LRRC20: variants seen among roughly 807,000 people sequenced by gnomAD.
The protein encoded by LRRC20 is leucine-rich repeat-containing protein 20.
A neutral mutation model predicts 14.4 loss-of-function variants in LRRC20; 11 were observed. That is an observed-to-expected ratio of 0.77 (90% confidence interval 0.48 to 1.27). The LOEUF (loss-of-function observed/expected upper bound fraction) is 1.27, where lower values mean the gene tolerates loss of function less well. Among genes scored for constraint, LRRC20 ranks in the 50% most tolerant of loss-of-function variants. The probability of loss-of-function intolerance (pLI) is 0.00; values close to 1 mark genes in which losing one functional copy is unlikely to be tolerated. For missense variants in LRRC20, 219 were observed against 251.2 expected (o/e 0.87, Z 0.87); for synonymous variants, 121 against 107.3 (o/e 1.13, Z -0.79).
intron 1 of LRRC20, chr10:70,381,504 T>C (rs1844707708): frequency 6.6e-6 from 1 of 152,220 alleles, no homozygotes; most frequent in Admixed American, 6.5e-5. Context: ...CTCTACCTTA[T>C]CTGCAGTCCG....
chr10:70,348,711 T>TC (rs35950331), intron 2 of LRRC20, among the ~76,000 whole-genome samples: 1 of 151,988 alleles, frequency 6.6e-6, no homozygotes, highest in Admixed American at 6.6e-5. Flanking sequence ...TATGCTGAAC[T>TC]CCCCCATGGG....
chr10:70,318,639 A>AGGTACTGAC (rs1841960894), intron 4 of LRRC20, among the ~76,000 whole-genome samples: 1 of 151,888 alleles, frequency 6.6e-6, no homozygotes, highest in Non-Finnish European at 1.5e-5. Context: ...CTGTGGTTCC[A>AGGTACTGAC]GGTACTTGAG....
Position 70,378,488 on chromosome 10 carries a change from C to CA in LRRC20, c.-63-1893dup, listed in dbSNP as rs72190981. On this transcript the variant is annotated intron_variant, in intron 1 of 4. Transcript: ENST00000446961. Reference sequence around the variant, plus strand: ...TAAAACTCCGTCTCTACTAAAAATACAAAAAAAAAAAAAAATGGTCGGGCA... The same window carrying CA: ...TAAAACTCCGTCTCTACTAAAAATACAAAAAAAAAAAAAAAATGGTCGGGCA... 2.5e-3 allele frequency among the ~76,000 whole-genome samples: 325 copies of CA among 131,194 alleles called. 1 individual carries two copies. The highest frequency in any genetic ancestry group is 4.1e-3 in the Middle Eastern group (1 of 242). 86.1% of individuals were successfully genotyped at this position (131,194 alleles called of 152,430 possible). A position where few individuals can be genotyped will look rare whatever the true frequency, so the allele number is the denominator to read the frequency against.
chr10:70,328,092 T>C (rs1355085155), intron 3 of LRRC20, among the ~76,000 whole-genome samples: 1 of 152,196 alleles, frequency 6.6e-6, no homozygotes, highest in African/African-American at 2.4e-5. Flanking sequence ...TCTCTCCAGG[T>C]GGCCTCATGA....
At chr10:70,309,026 G>A (rs1345945769) in intron 4 of LRRC20, among the ~76,000 whole-genome samples, 1 of 152,182 alleles carries the variant, frequency 6.6e-6, no homozygotes, top group Non-Finnish European at 1.5e-5. Flanking sequence ...TGGCTGGGAA[G>A]AAAAGGGCTA....
intron 2 of LRRC20, among the ~76,000 whole-genome samples, chr10:70,341,206 A>G (rs1842902136): frequency 6.6e-6 from 1 of 152,246 alleles, no homozygotes; most frequent in Non-Finnish European, 1.5e-5. Flanking sequence ...TTGGGAAGCC[A>G]CTGTGCAGAA....
intron 2 of LRRC20, among the ~76,000 whole-genome samples, chr10:70,368,251 G>A (rs972990653): frequency 1.7e-4 from 23 of 139,174 alleles, no homozygotes; most frequent in African/African-American, 5.6e-4. Flanking sequence ...TGCGCCTCCC[G>A]GGTTCAAATG....
intron 3 of LRRC20, among the ~76,000 whole-genome samples, chr10:70,333,389 G>A (rs1472311471): frequency 6.6e-6 from 1 of 152,216 alleles, no homozygotes; most frequent in Non-Finnish European, 1.5e-5. Context: ...TCTCCAGGCT[G>A]CCCCAACTCC....
chr10:70,308,362 C>T (rs1210908861), intron 4 of LRRC20, among the ~76,000 whole-genome samples: 1 of 152,128 alleles, frequency 6.6e-6, no homozygotes, highest in Non-Finnish European at 1.5e-5. Context: ...ACGGAGAAGA[C>T]TCTTGACCAC....
Position 70,314,063 on chromosome 10 carries a change from A to G in LRRC20, c.400+9800T>C, listed in dbSNP as rs536384288. ...GAAAGGGGAAACCCTTTATAAAACCATCAGATCTCGTGAGACTTATTCATT... is the reference window on the plus strand; with the variant it reads ...GAAAGGGGAAACCCTTTATAAAACCGTCAGATCTCGTGAGACTTATTCATT... On this transcript the variant is annotated intron_variant, in intron 4 of 4. Coordinates refer to ENST00000446961, the MANE Select transcript of LRRC20 (RefSeq NM_001278212.2). Among the ~76,000 whole-genome samples the G allele has an allele frequency of 3.3e-5, 5 of 152,330 alleles. No homozygotes were observed. The East Asian group carries it at 9.6e-4, about 29-fold the overall frequency.
intron 2 of LRRC20, 53 bp downstream of exon 2, chr10:70,376,399 C>T (rs1589133734): frequency 1.3e-6 from 2 of 1,560,188 alleles, no homozygotes; most frequent in East Asian, 4.5e-5. Context: ...CATTTCTAAG[C>T]TGATCTCACA....
intron 3 of LRRC20, among the ~76,000 whole-genome samples, chr10:70,339,556 G>A (rs75159637): frequency 0.037 from 5,608 of 152,142 alleles, 162 homozygotes; most frequent in East Asian, 0.094. Context: ...TGTGCCCTCC[G>A]CAATTCTCCC....
intron 2 of LRRC20, among the ~76,000 whole-genome samples, chr10:70,368,113 A>G (rs1844100854): frequency 6.7e-6 from 1 of 148,922 alleles, no homozygotes; most frequent in African/African-American, 2.5e-5. Flanking sequence ...CCTCTCAAGT[A>G]GCTGAGACTA....
intron 2 of LRRC20, among the ~76,000 whole-genome samples, chr10:70,368,488 C>T (rs979794544): frequency 6.6e-6 from 1 of 151,478 alleles, no homozygotes; most frequent in Non-Finnish European, 1.5e-5. Flanking sequence ...ACAGTTTTCA[C>T]CATGTTGGCC....
intron 2 of LRRC20, among the ~76,000 whole-genome samples, chr10:70,347,513 T>C (rs1589098996): frequency 6.6e-6 from 1 of 152,074 alleles, no homozygotes; most frequent in Non-Finnish European, 1.5e-5. Flanking sequence ...ACCCTTCCAG[T>C]CTCTGATTTA....
intron 2 of LRRC20, among the ~76,000 whole-genome samples, chr10:70,356,023 C>T (rs1485727726): frequency 1.3e-5 from 2 of 152,204 alleles, no homozygotes; most frequent in African/African-American, 4.8e-5. Flanking sequence ...ATGAGGCCCT[C>T]CAGCCAGTGG....
At chr10:70,317,361 T>C (rs1202457355) in intron 4 of LRRC20, among the ~76,000 whole-genome samples, 5 of 151,988 alleles carry the variant, frequency 3.3e-5, no homozygotes, top group Non-Finnish European at 7.4e-5. Context: ...CCTCTCTCTT[T>C]TTTTTTTTAA....
rs552644291 is a variant in LRRC20, at chr10:70,301,507, A to C, written c.402T>G (p.Asp134Glu). 1 of 1,613,852 alleles carries C rather than the reference A, an allele frequency of 6.2e-7. No homozygotes were observed. Among genetic ancestry groups the C allele is most frequent in the Non-Finnish European group, 8.5e-7 (1 of 1,179,918 alleles). ...TINLEENEIV[D>E]VPVEKLAAMP... is the part of the protein sequence containing the mutation. ...TGGCGGCCAGCTTCTCCACGGGCAC[A>C]TCTATTGGGGACAGAATGGACAGGT... The change falls in exon 5 of 5, where the codon GAT becomes GAG. Residue 134 changes from aspartate to glutamate, a missense_variant and splice_region_variant. By Grantham distance (45) the Asp-to-Glu change is conservative. Coordinates refer to ENST00000446961, the MANE Select transcript of LRRC20 (RefSeq NM_001278212.2).
chr10:70,301,354 C>G lies in LRRC20; in HGVS notation c.555G>C (p.Ter185TyrextTer50). The change falls in exon 5 of 5, where the codon TAG becomes TAC. Residue 185 changes from the stop codon to tyrosine, a stop_lost. Coordinates refer to ENST00000446961, the MANE Select transcript of LRRC20 (RefSeq NM_001278212.2). ...SPEGARAPLP[*>Y] ...GCTGGGTGGGCATGAGGAGGGTGGC[C>G]TAAGGTAGGGGGGCTCTTGCGCCTT... is the stretch of plus-strand genomic sequence containing the variant. 3 of 1,611,430 alleles carry G rather than the reference C, an allele frequency of 1.9e-6. No individual in the cohort carries two copies. Among genetic ancestry groups the G allele is most frequent in the Non-Finnish European group, 2.5e-6 (3 of 1,179,426 alleles).
Sources: gnomAD v4.1 joint callset for allele counts (sites outside exome capture counted in the v4.1 genomes callset) on GRCh38, gnomAD v4.1.1 for gene constraint, MANE v1.5 for transcripts, NCBI Gene and HGNC (gene_info 2026-07-23, HGNC 2026-07-21) for gene names.